The following RBFOX1 variants were observed in gnomAD, a reference collection of about 807,000 sequenced individuals.
RBFOX1 encodes the protein RNA binding protein fox-1 homolog 1.
In RBFOX1, 8 loss-of-function variants were observed where a neutral mutation model predicts 57.7. That is an observed-to-expected ratio of 0.14 (90% confidence interval 0.08 to 0.25). The LOEUF is 0.25. RBFOX1 is among the 10% of genes least tolerant of loss of function. The pLI is 1.00. For missense variants in RBFOX1, 611 were observed against 548.5 expected (o/e 1.11, Z -1.14); for synonymous variants, 326 against 222.4 (o/e 1.47, Z -4.15).
At chr16:5,621,484 A>T (rs565512937) in intron 3 of RBFOX1, among the ~76,000 whole-genome samples, 1 of 152,294 alleles carries the variant, frequency 6.6e-6, no homozygotes, top group East Asian at 1.9e-4. Context: ...TCAGTCATTG[A>T]TGATGGTTGA....
chr16:7,418,072 C>T (rs896405924), intron 4 of RBFOX1, among the ~76,000 whole-genome samples: 1 of 152,144 alleles, frequency 6.6e-6, no homozygotes, highest in Non-Finnish European at 1.5e-5. Flanking sequence ...AAGACACTCC[C>T]TGTCACTCTC....
At chr16:5,943,151 C>T (rs2059315209) in intron 4 of RBFOX1, among the ~76,000 whole-genome samples, 1 of 152,340 alleles carries the variant, frequency 6.6e-6, no homozygotes, top group Non-Finnish European at 1.5e-5. Flanking sequence ...CACAGCAGAT[C>T]AGCACCTCCA....
intron 4 of RBFOX1, among the ~76,000 whole-genome samples, chr16:7,337,776 C>T (rs2096820924): frequency 6.6e-6 from 1 of 152,138 alleles, no homozygotes; most frequent in African/African-American, 2.4e-5. Flanking sequence ...CCTCCACCTC[C>T]CAGGTTCAAG....
In RBFOX1 at chr16:7,154,275, C is replaced by G. The variant is rs138527734; in HGVS notation, c.27+102177C>G. ...AAGACATGGCAGAGATACTTAGTTA[C>G]AAGCTCTAGTGCTGTAAAAGAGACA... is the stretch of plus-strand genomic sequence containing the variant. On this transcript the variant is annotated intron_variant, in intron 4 of 15. Transcript: ENST00000550418. Among the ~76,000 whole-genome samples, 560 of 152,282 alleles carry G rather than the reference C, an allele frequency of 3.7e-3. 3 individuals are homozygous for G. Among genetic ancestry groups the G allele is most frequent in the African/African-American group, 0.013 (530 of 41,566 alleles).
At chr16:7,521,772 C>G (rs1251176645) in intron 5 of RBFOX1, among the ~76,000 whole-genome samples, 1 of 152,190 alleles carries the variant, frequency 6.6e-6, no homozygotes, top group African/African-American at 2.4e-5. Context: ...TCAGAGACTT[C>G]TGGTTACAGG....
At chr16:6,565,372 C>T (rs548588111) in intron 2 of RBFOX1, among the ~76,000 whole-genome samples, 1 of 152,108 alleles carries the variant, frequency 6.6e-6, no homozygotes, top group East Asian at 1.9e-4. Context: ...ATTCTCCTGC[C>T]TCAGCCTCCC....
At chr16:6,355,702 A>G (rs531020924) in intron 2 of RBFOX1, among the ~76,000 whole-genome samples, 2 of 152,326 alleles carry the variant, frequency 1.3e-5, no homozygotes, top group South Asian at 2.1e-4. Context: ...TACTTGAGGA[A>G]TCACCACACT....
chr16:5,385,530 C>G (rs1438420274), intron 1 of RBFOX1, among the ~76,000 whole-genome samples: 2 of 152,170 alleles, frequency 1.3e-5, no homozygotes, highest in Non-Finnish European at 2.9e-5. Context: ...GCATTCCTCT[C>G]AAAGAATGAC....
At chr16:6,701,660 T>C (rs978876186) in intron 3 of RBFOX1, among the ~76,000 whole-genome samples, 6 of 152,086 alleles carry the variant, frequency 3.9e-5, no homozygotes, top group African/African-American at 1.4e-4. Context: ...CTGTGTTCAT[T>C]ACCCAGCACT....
chr16:7,255,133 C>G (rs895614119), intron 4 of RBFOX1, among the ~76,000 whole-genome samples: 2 of 152,114 alleles, frequency 1.3e-5, no homozygotes, highest in Non-Finnish European at 2.9e-5. Flanking sequence ...CATCTCCGAT[C>G]TTTGCAACAC....
intron 4 of RBFOX1, among the ~76,000 whole-genome samples, chr16:5,897,955 G>A (rs888124632): frequency 1.3e-5 from 2 of 151,848 alleles, no homozygotes; most frequent in South Asian, 2.1e-4. Context: ...TGACTTCTGG[G>A]TATGTATTGG....
At chr16:5,361,951 G>A (rs948924908) in intron 1 of RBFOX1, among the ~76,000 whole-genome samples, 3 of 152,184 alleles carry the variant, frequency 2.0e-5, no homozygotes, top group Non-Finnish European at 4.4e-5. Flanking sequence ...TGCTCAAATA[G>A]CATTTCATTA....
At chr16:5,904,473 TGA>T (rs2058393559) in intron 4 of RBFOX1, among the ~76,000 whole-genome samples, 2 of 151,834 alleles carry the variant, frequency 1.3e-5, no homozygotes, top group South Asian at 4.2e-4. Flanking sequence ...TAAAAGCCTC[TGA>T]GAGAGAAAAA....
At chr16:6,009,202 G>A (rs1423169569) in intron 4 of RBFOX1, among the ~76,000 whole-genome samples, 1 of 151,488 alleles carries the variant, frequency 6.6e-6, no homozygotes, top group Non-Finnish European at 1.5e-5. Flanking sequence ...CAGGATGACT[G>A]CCACTTCGTG....
At chr16:5,253,398 C>A (rs2062505187) in intron 1 of RBFOX1, among the ~76,000 whole-genome samples, 2 of 152,248 alleles carry the variant, frequency 1.3e-5, no homozygotes, top group South Asian at 4.2e-4. Context: ...GTGATCCACC[C>A]ACCTCGGCCT....
chr16:6,636,225 C>T (rs2098431717), intron 2 of RBFOX1, among the ~76,000 whole-genome samples: 1 of 152,156 alleles, frequency 6.6e-6, no homozygotes, highest in Non-Finnish European at 1.5e-5. Context: ...GGCTGGAGTG[C>T]AGAGGCACGA....
chr16:6,558,009 A>G (rs145360665), intron 2 of RBFOX1, among the ~76,000 whole-genome samples: 97 of 152,300 alleles, frequency 6.4e-4, no homozygotes, highest in African/African-American at 2.1e-3. Flanking sequence ...TCACTGTGAA[A>G]CATTTTCTAG....
chr16:7,086,997 C>T (rs1218146649), intron 4 of RBFOX1, among the ~76,000 whole-genome samples: 1 of 152,118 alleles, frequency 6.6e-6, no homozygotes, highest in Admixed American at 6.6e-5. Flanking sequence ...GCAGCTGCAG[C>T]GATGGGCAGG....
intron 1 of RBFOX1, among the ~76,000 whole-genome samples, chr16:5,437,745 G>T (rs957305954): frequency 2.6e-5 from 4 of 152,134 alleles, no homozygotes; most frequent in African/African-American, 9.7e-5. Flanking sequence ...GCTGTGCCTG[G>T]ATAATGAGGC....
Sources: gnomAD v4.1 joint callset for allele counts (sites outside exome capture counted in the v4.1 genomes callset) on GRCh38, gnomAD v4.1.1 for gene constraint, MANE v1.5 for transcripts, NCBI Gene and HGNC (gene_info 2026-07-23, HGNC 2026-07-21) for gene names.